Variants in ASIC2 observed in about 807,000 individuals in gnomAD.
The protein encoded by ASIC2 is acid sensing ion channel subunit 2.
Under a neutral mutation model 57.3 loss-of-function variants are expected in ASIC2, and 25 were observed. The ratio of observed to expected loss-of-function variants is 0.44; its 90% CI spans 0.32 to 0.61. The LOEUF is 0.61. ASIC2 is among the 20% of genes least tolerant of loss of function. The probability of loss-of-function intolerance (pLI) is 0.06; values close to 1 mark genes in which losing one functional copy is unlikely to be tolerated. For missense variants in ASIC2, 641 were observed against 738.1 expected (o/e 0.87, Z 1.52); for synonymous variants, 319 against 307.5 (o/e 1.04, Z -0.39).
intron 1 of ASIC2, among the ~76,000 whole-genome samples, chr17:33,685,112 G>C (rs1425657960): frequency 1.3e-5 from 2 of 151,668 alleles, no homozygotes; most frequent in Non-Finnish European, 2.9e-5. Flanking sequence ...GGTTCCCCCT[G>C]GGGGGGCTTA....
chr17:33,865,239 C>G (rs1396897687), intron 1 of ASIC2, among the ~76,000 whole-genome samples: 13 of 152,150 alleles, frequency 8.5e-5, no homozygotes, highest in Non-Finnish European at 1.6e-4. Flanking sequence ...TCCCCAGGAG[C>G]CATGAGATGG....
At chr17:33,738,752 G>A (rs1310211415) in intron 1 of ASIC2, among the ~76,000 whole-genome samples, 3 of 152,136 alleles carry the variant, frequency 2.0e-5, no homozygotes, top group African/African-American at 7.2e-5. Context: ...TCTTATCTGT[G>A]ACTTACACCA....
chr17:33,503,202 G>A (rs966701036), intron 1 of ASIC2, among the ~76,000 whole-genome samples: 1 of 152,134 alleles, frequency 6.6e-6, no homozygotes, highest in Non-Finnish European at 1.5e-5. Context: ...ATGAGAGAAT[G>A]GTGATGAAGA....
chr17:33,051,430 T>C (rs2091975625), intron 3 of ASIC2, among the ~76,000 whole-genome samples: 1 of 152,178 alleles, frequency 6.6e-6, no homozygotes, highest in Non-Finnish European at 1.5e-5. Context: ...GACCCCTGAA[T>C]TGACTATCAC....
intron 1 of ASIC2, chr17:33,581,218 T>C (rs1904427626): frequency 6.6e-6 from 1 of 152,244 alleles, no homozygotes; most frequent in Non-Finnish European, 1.5e-5. Flanking sequence ...CAACTTTCTG[T>C]TGCTGGCCTT....
chr17:33,339,608 G>T (rs140325050), intron 1 of ASIC2, among the ~76,000 whole-genome samples: 8 of 152,132 alleles, frequency 5.3e-5, no homozygotes, highest in African/African-American at 1.9e-4. Flanking sequence ...GGCCCGGCAC[G>T]GTGTCTTGCC....
At chr17:33,567,311 G>A (rs1033961389) in intron 1 of ASIC2, among the ~76,000 whole-genome samples, 1 of 152,164 alleles carries the variant, frequency 6.6e-6, no homozygotes, top group Non-Finnish European at 1.5e-5. Flanking sequence ...ATTCTGGAAA[G>A]GAAGACAGCA....
rs933143325 is a variant in ASIC2 at position 34,030,819 on chromosome 17, C to T, written c.555+125159G>A. The stretch of plus-strand genomic sequence containing the variant: ...AGAGAGGCTGGGGGAGGGGCACCCG[C>T]AATTGCCCAGTTAGTTGTTTGATTA... On this transcript the variant is annotated intron_variant, in intron 1 of 9. Coordinates refer to the ASIC2 transcript ENST00000359872. Among the ~76,000 whole-genome samples the T allele has an allele frequency of 5.9e-5, 9 of 152,176 alleles. No homozygotes were observed. In the South Asian group the frequency reaches 1.4e-3, roughly 24 times the overall value.
At chr17:33,049,565 A>G (rs2141926745) in intron 3 of ASIC2, among the ~76,000 whole-genome samples, 1 of 152,294 alleles carries the variant, frequency 6.6e-6, no homozygotes. Context: ...TGAGATACAC[A>G]GCAAATGGAC....
intron 1 of ASIC2, among the ~76,000 whole-genome samples, chr17:33,523,796 T>A (rs1160497640): frequency 6.6e-6 from 1 of 152,182 alleles, no homozygotes; most frequent in Non-Finnish European, 1.5e-5. Context: ...TACTCACGGC[T>A]GATGTAGCTC....
intron 1 of ASIC2, among the ~76,000 whole-genome samples, chr17:33,488,976 A>G (rs1380843158): frequency 6.6e-6 from 1 of 151,710 alleles, no homozygotes; most frequent in African/African-American, 2.4e-5. Flanking sequence ...CACAGTCCCA[A>G]CCCCTCCCTG....
intron 1 of ASIC2, among the ~76,000 whole-genome samples, chr17:33,244,352 GA>G (rs1597648316): frequency 6.7e-6 from 1 of 149,372 alleles, no homozygotes; most frequent in East Asian, 1.9e-4. Context: ...ACTGGAAAAT[GA>G]GGCCTCTAGG....
intron 1 of ASIC2, among the ~76,000 whole-genome samples, chr17:33,573,629 G>A (rs1186616742): frequency 6.6e-6 from 1 of 152,182 alleles, no homozygotes; most frequent in East Asian, 1.9e-4. Context: ...GCAGTGTCAT[G>A]ATCTTGGCTC....
At chr17:34,132,414 G>A (rs1458520268) in intron 1 of ASIC2, among the ~76,000 whole-genome samples, 3 of 152,092 alleles carry the variant, frequency 2.0e-5, no homozygotes, top group East Asian at 3.9e-4. Context: ...AGTGCGAGCC[G>A]GGTGGAGGCC....
chr17:33,101,815 G>C (rs149755531), intron 2 of ASIC2, among the ~76,000 whole-genome samples: 2 of 152,034 alleles, frequency 1.3e-5, no homozygotes, highest in African/African-American at 4.8e-5. Flanking sequence ...TAATGTTTTT[G>C]ATCTCTCTCT....
intron 1 of ASIC2, among the ~76,000 whole-genome samples, chr17:33,177,240 GA>G (rs1374047455): frequency 6.6e-6 from 1 of 152,146 alleles, no homozygotes; most frequent in African/African-American, 2.4e-5. Context: ...CCAACTCATT[GA>G]AAACCAAGGA....
intron 1 of ASIC2, among the ~76,000 whole-genome samples, chr17:33,622,348 T>A (rs1445315667): frequency 6.6e-6 from 1 of 151,980 alleles, no homozygotes; most frequent in Non-Finnish European, 1.5e-5. Flanking sequence ...TAGGATTGAG[T>A]CAAGATTTTC....
rs373488489 is a variant in ASIC2, at chr17:33,354,689, C to A, written c.556-242622G>T. Among the ~76,000 whole-genome samples the A allele has an allele frequency of 1.1e-3, 174 of 152,184 alleles. 3 individuals are homozygous for A. The highest frequency in any genetic ancestry group is 3.8e-3 in the African/African-American group (159 of 41,510). On this transcript the variant is annotated intron_variant, in intron 1 of 9. Transcript: ENST00000359872. ...CAGCTTTCCCAGGGATCTGATGGGC[C>A]CCTACTCATCCTTCCAGTCTCAACT...
chr17:33,612,283 C>G (rs2142016239), intron 1 of ASIC2, among the ~76,000 whole-genome samples: 1 of 152,238 alleles, frequency 6.6e-6, no homozygotes, highest in African/African-American at 2.4e-5. Context: ...ATGAAGTTGA[C>G]ACAAAAAATT....
Sources: gnomAD v4.1 joint callset for allele counts (sites outside exome capture counted in the v4.1 genomes callset) on GRCh38, gnomAD v4.1.1 for gene constraint, MANE v1.5 for transcripts, NCBI Gene and HGNC (gene_info 2026-07-23, HGNC 2026-07-21) for gene names.